WWOX: variants seen among roughly 807,000 people sequenced by gnomAD.
The protein encoded by WWOX is WW domain containing oxidoreductase.
Under a neutral mutation model 46.2 loss-of-function variants are expected in WWOX, and 69 were observed. The observed-to-expected ratio is 1.49, with a 90% CI of 1.23 to 1.82. The LOEUF (loss-of-function observed/expected upper bound fraction) is 1.82. Ranked by LOEUF, WWOX falls within the 40% of genes most tolerant of loss-of-function variation. The pLI is 0.00. For synonymous variants in WWOX, 359 were observed against 202.6 expected (o/e 1.77, Z -6.56); for missense variants, 919 against 542.6 (o/e 1.69, Z -6.89).
intron 5 of WWOX, among the ~76,000 whole-genome samples, chr16:78,310,839 A>C (rs556724555): frequency 6.6e-6 from 1 of 152,306 alleles, no homozygotes; most frequent in South Asian, 2.1e-4. Flanking sequence ...AATTCCCAGC[A>C]AGAAATGAGC....
intron 8 of WWOX, among the ~76,000 whole-genome samples, chr16:78,623,277 G>T (rs1488028298): frequency 6.6e-6 from 1 of 152,182 alleles, no homozygotes; most frequent in African/African-American, 2.4e-5. Context: ...GTACACCCTG[G>T]ATAGTAGACA....
chr16:78,212,377 G>A (rs1296387306), intron 5 of WWOX, among the ~76,000 whole-genome samples: 1 of 152,254 alleles, frequency 6.6e-6, no homozygotes, highest in African/African-American at 2.4e-5. Flanking sequence ...GGACAGGGAA[G>A]TGTAATCCTA....
At chr16:78,665,197 T>G (rs538413707) in intron 8 of WWOX, among the ~76,000 whole-genome samples, 2 of 152,084 alleles carry the variant, frequency 1.3e-5, no homozygotes, top group Non-Finnish European at 2.9e-5. Context: ...GCAACAGATT[T>G]CCAAGTTGGC....
At chr16:78,672,675 C>A (rs189611029) in intron 8 of WWOX, among the ~76,000 whole-genome samples, 1 of 152,106 alleles carries the variant, frequency 6.6e-6, no homozygotes, top group Admixed American at 6.5e-5. Flanking sequence ...TAAAAGTGAT[C>A]GGATGAAATT....
chr16:78,307,609 G>C (rs2080157987), intron 5 of WWOX, among the ~76,000 whole-genome samples: 1 of 152,154 alleles, frequency 6.6e-6, no homozygotes, highest in Non-Finnish European at 1.5e-5. Flanking sequence ...AACCCAGTGA[G>C]GTTGATTTTG....
At position 79,030,710 on chromosome 16, in the gene WWOX, T is replaced by A. The variant is rs376046401; in HGVS notation, c.1057-180898T>A. Among the ~76,000 whole-genome samples, 69 of 152,300 alleles carry A rather than the reference T, an allele frequency of 4.5e-4. 1 individual carries two copies. Among genetic ancestry groups the A allele is most frequent in the African/African-American group, 1.6e-3 (68 of 41,564 alleles). On this transcript the variant is annotated intron_variant, in intron 8 of 8. Transcript: ENST00000566780. ...GCTCACCGCTGCTTGTACCAGTATC[T>A]TCTACCCTCCGGTTGTTTGTGGCCA...
At chr16:78,429,158 A>C (rs2083157662) in intron 7 of WWOX, among the ~76,000 whole-genome samples, 1 of 152,220 alleles carries the variant, frequency 6.6e-6, no homozygotes, top group Non-Finnish European at 1.5e-5. Context: ...AAGAATTCAC[A>C]GTCTAGTTTT....
At chr16:78,932,207 C>T (rs2045638213) in intron 8 of WWOX, among the ~76,000 whole-genome samples, 1 of 152,196 alleles carries the variant, frequency 6.6e-6, no homozygotes, top group South Asian at 2.1e-4. Context: ...GGAGGGGTAG[C>T]TCTTTTTCTA....
intron 8 of WWOX, among the ~76,000 whole-genome samples, chr16:79,209,477 G>C (rs1274346441): frequency 1.3e-5 from 2 of 152,172 alleles, no homozygotes; most frequent in Non-Finnish European, 2.9e-5. Context: ...CTGTCATGAC[G>C]TTTGAATGCT....
intron 5 of WWOX, among the ~76,000 whole-genome samples, chr16:78,329,988 C>G (rs935933800): frequency 6.6e-5 from 10 of 152,248 alleles, no homozygotes; most frequent in African/African-American, 2.4e-4. Context: ...TTCCTGGCCT[C>G]AAGCGATCCT....
chr16:78,631,326 C>T (rs915514353), intron 8 of WWOX, among the ~76,000 whole-genome samples: 5 of 152,250 alleles, frequency 3.3e-5, no homozygotes, highest in South Asian at 2.1e-4. Flanking sequence ...TATTTCTGCT[C>T]ATGGTTGCTG....
chr16:78,807,596 C>G (rs535320865), intron 8 of WWOX, among the ~76,000 whole-genome samples: 1 of 152,270 alleles, frequency 6.6e-6, no homozygotes, highest in South Asian at 2.1e-4. Context: ...TGGGATGAAG[C>G]CAGTCAATTT....
intron 8 of WWOX, among the ~76,000 whole-genome samples, chr16:78,922,925 A>T (rs2045411975): frequency 6.6e-6 from 1 of 152,100 alleles, no homozygotes; most frequent in South Asian, 2.1e-4. Flanking sequence ...TTTGCCTAGA[A>T]ATCTAACATC....
intron 8 of WWOX, among the ~76,000 whole-genome samples, chr16:78,554,151 T>A (rs1312678732): frequency 6.6e-6 from 1 of 152,100 alleles, no homozygotes; most frequent in Non-Finnish European, 1.5e-5. Flanking sequence ...TGCAGAAAAG[T>A]GCTGAAGGTG....
At chr16:78,826,558 C>A (rs2051663215) in intron 8 of WWOX, among the ~76,000 whole-genome samples, 1 of 152,312 alleles carries the variant, frequency 6.6e-6, no homozygotes, top group East Asian at 1.9e-4. Context: ...CTCCTGTGTT[C>A]CTTTCCTGTC....
intron 8 of WWOX, among the ~76,000 whole-genome samples, chr16:78,528,842 G>A (rs909925722): frequency 1.3e-5 from 2 of 151,978 alleles, no homozygotes; most frequent in African/African-American, 2.4e-5. Context: ...CAACCTCTAT[G>A]TAACCTCAGC....
chr16:78,155,299 G>C (rs1478491443), intron 4 of WWOX, among the ~76,000 whole-genome samples: 1 of 151,638 alleles, frequency 6.6e-6, no homozygotes, highest in Non-Finnish European at 1.5e-5. Flanking sequence ...GGGAAGGGAA[G>C]AAAGTATGGG....
At chr16:78,664,567 G>T (rs1187311245) in intron 8 of WWOX, among the ~76,000 whole-genome samples, 2 of 152,204 alleles carry the variant, frequency 1.3e-5, no homozygotes, top group African/African-American at 4.8e-5. Context: ...AATGTGAGCA[G>T]AGTGAAGAGC....
In WWOX at chr16:78,899,919, T is replaced by C. The variant is rs1054971623; in HGVS notation, c.1057-311689T>C. Reference sequence around the variant, plus strand: ...CCTCTCTGTCAGGACATAAATTAAGTCTGCAGGTGTTCCATGAAGCTGTAC... The same window carrying C: ...CCTCTCTGTCAGGACATAAATTAAGCCTGCAGGTGTTCCATGAAGCTGTAC... On this transcript the variant is annotated intron_variant, in intron 8 of 8. Transcript: ENST00000566780. Among the ~76,000 whole-genome samples the C allele has an allele frequency of 2.6e-5, 4 of 152,160 alleles. No individual in the cohort carries two copies. In the East Asian group the frequency reaches 7.7e-4, roughly 29 times the overall value.
Sources: allele counts gnomAD v4.1 joint callset (sites outside exome capture counted in the v4.1 genomes callset), GRCh38; gene constraint gnomAD v4.1.1; transcripts MANE v1.5; gene names NCBI Gene and HGNC (gene_info 2026-07-23, HGNC 2026-07-21).